ST6GALNAC3: variants seen among roughly 807,000 people sequenced by gnomAD.
The protein encoded by ST6GALNAC3 is alpha-N-acetylgalactosaminide alpha-2,6-sialyltransferase 3.
A neutral mutation model predicts 32.7 loss-of-function variants in ST6GALNAC3; 25 were observed. The observed-to-expected ratio is 0.76, with a 90% CI of 0.56 to 1.07. The LOEUF (loss-of-function observed/expected upper bound fraction) is 1.07, where lower values mean the gene tolerates loss of function less well. Ranked by LOEUF, ST6GALNAC3 falls within the 50% of genes least tolerant of loss-of-function variation. The probability of loss-of-function intolerance (pLI) is 0.00; values close to 1 mark genes in which losing one functional copy is unlikely to be tolerated. For synonymous variants in ST6GALNAC3, 129 were observed against 133.1 expected (o/e 0.97, Z 0.21); for missense variants, 355 against 382.4 (o/e 0.93, Z 0.60).
chr1:76,567,907 T>C (rs1288284896), intron 3 of ST6GALNAC3, among the ~76,000 whole-genome samples: 3 of 152,244 alleles, frequency 2.0e-5, no homozygotes, highest in South Asian at 2.1e-4. Context: ...CATATATATT[T>C]GCCCTGAGCA....
chr1:76,305,816 C>A, intron 1 of ST6GALNAC3: 1 of 469,788 alleles, frequency 2.1e-6, no homozygotes. Flanking sequence ...CTCAGTTTTC[C>A]AGACAAAGAA....
intron 1 of ST6GALNAC3, among the ~76,000 whole-genome samples, chr1:76,263,282 C>G (rs1454213811): frequency 6.6e-6 from 1 of 152,070 alleles, no homozygotes; most frequent in Admixed American, 6.6e-5. Flanking sequence ...TAAATGGGCC[C>G]ACGCATGCAA....
intron 1 of ST6GALNAC3, among the ~76,000 whole-genome samples, chr1:76,202,268 ATG>A (rs58107501): frequency 0.013 from 1,864 of 145,218 alleles, 16 homozygotes; most frequent in African/African-American, 0.017. Flanking sequence ...GTGTGCATGC[ATG>A]TGTGTGTGTG....
At chr1:76,396,337 C>A (rs562949314) in intron 2 of ST6GALNAC3, among the ~76,000 whole-genome samples, 8 of 152,068 alleles carry the variant, frequency 5.3e-5, no homozygotes, top group African/African-American at 1.9e-4. Context: ...TGGTGGCATG[C>A]GCCTGTAGTC....
chr1:76,257,851 C>G (rs1007361081), intron 1 of ST6GALNAC3, among the ~76,000 whole-genome samples: 1 of 152,086 alleles, frequency 6.6e-6, no homozygotes, highest in Non-Finnish European at 1.5e-5. Flanking sequence ...TGTCCGGTAT[C>G]TTTACACCCT....
intron 1 of ST6GALNAC3, chr1:76,307,970 AT>A: frequency 2.0e-6 from 1 of 505,252 alleles, no homozygotes; most frequent in Non-Finnish European, 4.0e-6. Context: ...TTTGATGCAT[AT>A]TTTTGCAGCA....
intron 1 of ST6GALNAC3, among the ~76,000 whole-genome samples, chr1:76,309,732 G>A (rs1394124554): frequency 6.6e-6 from 1 of 152,040 alleles, no homozygotes; most frequent in Non-Finnish European, 1.5e-5. Context: ...CTGAGCTGGG[G>A]GCCTGAGCTG....
chr1:76,348,979 T>G (rs756599031), intron 2 of ST6GALNAC3, among the ~76,000 whole-genome samples: 2 of 152,138 alleles, frequency 1.3e-5, no homozygotes, highest in Non-Finnish European at 2.9e-5. Context: ...TTTACAAAAG[T>G]AATAAATGTA....
At chr1:76,545,929 G>T (rs2100324952) in intron 3 of ST6GALNAC3, among the ~76,000 whole-genome samples, 1 of 152,316 alleles carries the variant, frequency 6.6e-6, no homozygotes, top group African/African-American at 2.4e-5. Flanking sequence ...AAAGTGCTGG[G>T]ATCACTGGCG....
intron 3 of ST6GALNAC3, among the ~76,000 whole-genome samples, chr1:76,588,051 A>G (rs945955177): frequency 2.0e-5 from 3 of 152,102 alleles, no homozygotes; most frequent in Admixed American, 1.3e-4. Context: ...CTTCTTTTCC[A>G]TTTTTACCGG....
chr1:76,221,496 C>T (rs868271067), intron 1 of ST6GALNAC3, among the ~76,000 whole-genome samples: 8 of 152,166 alleles, frequency 5.3e-5, no homozygotes, highest in African/African-American at 1.7e-4. Flanking sequence ...AACTGTGGCT[C>T]TCACCAGCTC....
chr1:76,550,678 C>CT (rs1243151089), intron 3 of ST6GALNAC3, among the ~76,000 whole-genome samples: 1 of 152,120 alleles, frequency 6.6e-6, no homozygotes, highest in East Asian at 1.9e-4. Flanking sequence ...GTACCAGTTT[C>CT]TTTTTTATCT....
At chr1:76,112,409 C>CG (rs1470172418) in intron 1 of ST6GALNAC3, among the ~76,000 whole-genome samples, 1 of 144,122 alleles carries the variant, frequency 6.9e-6, no homozygotes, top group Non-Finnish European at 1.5e-5. Context: ...GGCGGCTGGC[C>CG]GGGCGGGGGG....
chr1:76,261,767 C>T (rs1428950650), intron 1 of ST6GALNAC3, among the ~76,000 whole-genome samples: 1 of 152,150 alleles, frequency 6.6e-6, no homozygotes, highest in African/African-American at 2.4e-5. Context: ...TCTGAGGGCC[C>T]TAACTCCCCT....
intron 3 of ST6GALNAC3, among the ~76,000 whole-genome samples, chr1:76,533,423 C>CAG (rs1663388208): frequency 6.6e-6 from 1 of 152,076 alleles, no homozygotes; most frequent in Non-Finnish European, 1.5e-5. Context: ...CTTTTGGGTC[C>CAG]TTCTTTCTGA....
At chr1:76,457,335 C>T (rs1458100728) in intron 3 of ST6GALNAC3, among the ~76,000 whole-genome samples, 5 of 152,080 alleles carry the variant, frequency 3.3e-5, no homozygotes, top group Non-Finnish European at 5.9e-5. Flanking sequence ...ACTTTCTTCA[C>T]GGAACTGGAA....
intron 3 of ST6GALNAC3, among the ~76,000 whole-genome samples, chr1:76,423,364 AT>A (rs1448791372): frequency 6.6e-6 from 1 of 152,002 alleles, no homozygotes; most frequent in African/African-American, 2.4e-5. Flanking sequence ...TGCGATTGGC[AT>A]TGCTGAAAAG....
chr1:76,544,106 T>A (rs1164339989), intron 3 of ST6GALNAC3, among the ~76,000 whole-genome samples: 1 of 150,184 alleles, frequency 6.7e-6, no homozygotes, highest in Admixed American at 6.7e-5. Flanking sequence ...TATATGAAAT[T>A]TAAATTGAGC....
At chr1:76,288,783 CAGGT>C (rs1659916265) in intron 1 of ST6GALNAC3, among the ~76,000 whole-genome samples, 1 of 152,162 alleles carries the variant, frequency 6.6e-6, no homozygotes, top group South Asian at 2.1e-4. Context: ...ATGTAAAACA[CAGGT>C]GATGGTCAGA....
Sources: allele counts gnomAD v4.1 joint callset (sites outside exome capture counted in the v4.1 genomes callset), GRCh38; gene constraint gnomAD v4.1.1; transcripts MANE v1.5; gene names NCBI Gene and HGNC (gene_info 2026-07-23, HGNC 2026-07-21).